The following PDS5B variants were observed in gnomAD, a reference collection of about 807,000 sequenced individuals.
The protein encoded by PDS5B is sister chromatid cohesion protein PDS5 homolog B.
PDS5B carries 51 observed loss-of-function variants against 184.1 expected under a neutral mutation model. The ratio of observed to expected loss-of-function variants is 0.28; its 90% CI spans 0.22 to 0.35. The LOEUF (loss-of-function observed/expected upper bound fraction) is 0.35. Ranked by LOEUF, PDS5B falls within the 10% of genes least tolerant of loss-of-function variation. PDS5B has a pLI of 1.00. For synonymous variants in PDS5B, 566 were observed against 569.2 expected, an observed-to-expected ratio of 0.99 and a Z score of 0.08; for missense variants, 1,180 against 1,723.3, an observed-to-expected ratio of 0.68 and a Z score of 5.58.
intron 1 of PDS5B, among the ~76,000 whole-genome samples, chr13:32,609,913 C>T (rs1344947939): frequency 6.9e-6 from 1 of 145,830 alleles, no homozygotes; most frequent in Non-Finnish European, 1.5e-5. Context: ...AAAAAAAAAA[C>T]AAAAAAATGA....
chr13:32,703,536 C>G (rs774304383), intron 17 of PDS5B, among the ~76,000 whole-genome samples: 1 of 152,140 alleles, frequency 6.6e-6, no homozygotes, highest in African/African-American at 2.4e-5. Flanking sequence ...AGGATAGGAA[C>G]TATTATTATT....
At chr13:32,635,971 G>A (rs760219079) in intron 1 of PDS5B, among the ~76,000 whole-genome samples, 7 of 150,886 alleles carry the variant, frequency 4.6e-5, no homozygotes, top group Middle Eastern at 3.5e-3. Context: ...GGGTTTCACC[G>A]TGTTAGCCAT....
intron 14 of PDS5B, among the ~76,000 whole-genome samples, chr13:32,695,384 T>A (rs898215867): frequency 1.2e-4 from 18 of 152,092 alleles, no homozygotes; most frequent in African/African-American, 4.1e-4. Context: ...CTGTCCTTTT[T>A]CTTAAACCCT....
chr13:32,606,709 A>C (rs1027779694), intron 1 of PDS5B, among the ~76,000 whole-genome samples: 1 of 152,242 alleles, frequency 6.6e-6, no homozygotes, highest in Admixed American at 6.5e-5. Flanking sequence ...TACACGAATC[A>C]GATGTAGATT....
intron 1 of PDS5B, among the ~76,000 whole-genome samples, chr13:32,586,837 C>T (rs1449632324): frequency 1.4e-5 from 2 of 145,618 alleles, no homozygotes; most frequent in Non-Finnish European, 3.1e-5. Flanking sequence ...GGGGAGGGCC[C>T]CGCGGCCGGC....
chr13:32,703,426 T>C (rs1446140536), intron 17 of PDS5B, among the ~76,000 whole-genome samples: 4 of 152,204 alleles, frequency 2.6e-5, no homozygotes, highest in Non-Finnish European at 5.9e-5. Context: ...ATCTAGAAGG[T>C]ATGTCAAAAC....
intron 20 of PDS5B, among the ~76,000 whole-genome samples, chr13:32,734,508 G>C (rs1327848059): frequency 6.6e-6 from 1 of 152,104 alleles, no homozygotes; most frequent in Admixed American, 6.5e-5. Flanking sequence ...AAATTCAAGT[G>C]ACTAGATGTA....
At chr13:32,657,341 T>A (rs1335726339) in intron 3 of PDS5B, among the ~76,000 whole-genome samples, 1 of 152,222 alleles carries the variant, frequency 6.6e-6, no homozygotes, top group African/African-American at 2.4e-5. Flanking sequence ...TTCTTTGTCA[T>A]TGTTGGTTTA....
chr13:32,772,647 A>G (rs1203623476), intron 33 of PDS5B, among the ~76,000 whole-genome samples: 1 of 152,196 alleles, frequency 6.6e-6, no homozygotes, highest in African/African-American at 2.4e-5. Context: ...TGTTCCTTGT[A>G]TACTTTGTTA....
At chr13:32,742,173 G>A (rs1188026645) in intron 22 of PDS5B, among the ~76,000 whole-genome samples, 1 of 152,162 alleles carries the variant, frequency 6.6e-6, no homozygotes, top group African/African-American at 2.4e-5. Context: ...ATTAAAGGAA[G>A]TAATGGGTGT....
intron 19 of PDS5B, among the ~76,000 whole-genome samples, chr13:32,722,231 C>G (rs936342358): frequency 1.3e-5 from 2 of 152,244 alleles, no homozygotes; most frequent in African/African-American, 4.8e-5. Flanking sequence ...CGGCGCACGC[C>G]TGCAATCCCA....
chr13:32,773,962 C>T (rs1421535295), intron 34 of PDS5B, among the ~76,000 whole-genome samples: 1 of 152,058 alleles, frequency 6.6e-6, no homozygotes, highest in Non-Finnish European at 1.5e-5. Context: ...TGCCACTGTG[C>T]CCGACTAGTT....
At position 32,659,300 on chromosome 13, in the gene PDS5B, G is replaced by T; in HGVS notation, c.624+20G>T. 1 of 1,533,296 alleles carries T rather than the reference G, an allele frequency of 6.5e-7. No homozygotes were observed. The highest frequency in any genetic ancestry group is 8.9e-7 in the Non-Finnish European group (1 of 1,127,142). The allele number at this position is 1,533,296 out of a possible 1,614,324, so 95.0% of individuals were successfully genotyped here. On this transcript the variant is annotated intron_variant, in intron 6 of 34. Coordinates refer to ENST00000315596, the MANE Select transcript of PDS5B (RefSeq NM_015032.4). ...CATAAGGTGAGTAGCAATGTATACT[G>T]TAATGTGTCTAATGCCCGTTAATAT...
intron 1 of PDS5B, among the ~76,000 whole-genome samples, chr13:32,643,887 G>C (rs749375624): frequency 1.3e-5 from 2 of 152,142 alleles, no homozygotes; most frequent in Non-Finnish European, 2.9e-5. Context: ...GAGGAACACA[G>C]ATTTTTGGAT....
At chr13:32,677,287 A>G (rs1951097728) in intron 9 of PDS5B, among the ~76,000 whole-genome samples, 1 of 151,988 alleles carries the variant, frequency 6.6e-6, no homozygotes, top group South Asian at 2.1e-4. Context: ...AAAGTTTAAT[A>G]TTTTAAAACA....
intron 24 of PDS5B, among the ~76,000 whole-genome samples, chr13:32,750,558 C>A (rs9568337): frequency 4.0e-5 from 6 of 151,770 alleles, no homozygotes; most frequent in Admixed American, 1.3e-4. Flanking sequence ...CCTCCTCCCC[C>A]CAAAATGGAG....
At chr13:32,702,268 G>A (rs1951884039) in intron 17 of PDS5B, among the ~76,000 whole-genome samples, 1 of 152,102 alleles carries the variant, frequency 6.6e-6, no homozygotes, top group East Asian at 1.9e-4. Flanking sequence ...CCCTACTTTG[G>A]TTACCTGTCA....
At position 32,688,178 on chromosome 13, in the gene PDS5B, T is replaced by C. The variant is rs547430294; in HGVS notation, c.1356-278T>C. On this transcript the variant is annotated intron_variant, in intron 12 of 34. Transcript: ENST00000315596. The stretch of plus-strand genomic sequence containing the variant: ...TGGCATATTTTAAAACTCTGTATTA[T>C]ACAGATAAAGAAAAAATCCCTGGTA... Among the ~76,000 whole-genome samples, 7 of 133,552 alleles carry C rather than the reference T, an allele frequency of 5.2e-5. No individual in the cohort carries two copies. In the South Asian group the frequency reaches 1.1e-3, roughly 21 times the overall value. 87.6% of individuals were successfully genotyped at this position (133,552 alleles called of 152,430 possible).
Position 32,591,334 on chromosome 13 carries a change from G to A in PDS5B, c.-20+4741G>A, listed in dbSNP as rs376009553. ...AGTAGAGACTGTGTTGGCCAGGCTG[G>A]TCTCAAACTCCTGACCTCGTGATCC... On this transcript the variant is annotated intron_variant, in intron 1 of 34. Transcript: ENST00000315596. Among the ~76,000 whole-genome samples the A allele has an allele frequency of 2.6e-5, 4 of 152,036 alleles. No individual in the cohort carries two copies. In the East Asian group the frequency reaches 7.7e-4, roughly 29 times the overall value.
Sources: allele counts gnomAD v4.1 joint callset (sites outside exome capture counted in the v4.1 genomes callset), GRCh38; gene constraint gnomAD v4.1.1; transcripts MANE v1.5; gene names NCBI Gene and HGNC (gene_info 2026-07-23, HGNC 2026-07-21).